Variants in ITGA9 observed in about 807,000 individuals in gnomAD.
The protein encoded by ITGA9 is integrin alpha-9.
Under a neutral mutation model 127.8 loss-of-function variants are expected in ITGA9, and 56 were observed. The observed-to-expected ratio is 0.44, with a 90% CI of 0.35 to 0.55. The LOEUF is 0.55. Ranked by LOEUF, ITGA9 falls within the 20% of genes least tolerant of loss-of-function variation. ITGA9 has a pLI of 0.00. For missense variants in ITGA9, 1,196 were observed against 1,347.1 expected (o/e 0.89, Z 1.76); for synonymous variants, 508 against 514.5 (o/e 0.99, Z 0.17).
At chr3:37,556,994 G>A (rs1559535894) in intron 15 of ITGA9, among the ~76,000 whole-genome samples, 1 of 152,168 alleles carries the variant, frequency 6.6e-6, no homozygotes, top group Non-Finnish European at 1.5e-5. Flanking sequence ...TCTGCCTATT[G>A]CTTGAAGGAC....
chr3:37,690,156 A>G (rs1253211116), intron 18 of ITGA9, among the ~76,000 whole-genome samples: 2 of 152,318 alleles, frequency 1.3e-5, no homozygotes, highest in African/African-American at 4.8e-5. Flanking sequence ...CCTACATTGC[A>G]GAGCTAGGGT....
chr3:37,473,136 CAAAAAAAA>C (rs36109791), intron 2 of ITGA9, among the ~76,000 whole-genome samples: 3,404 of 71,122 alleles, frequency 0.048, 56 homozygotes, highest in Non-Finnish European at 0.062. Context: ...GAGACTGTCT[CAAAAAAAA>C]AAAAAAAAAA....
At chr3:37,632,338 T>C (rs1182611903) in intron 16 of ITGA9, among the ~76,000 whole-genome samples, 2 of 152,092 alleles carry the variant, frequency 1.3e-5, no homozygotes, top group Non-Finnish European at 2.9e-5. Context: ...TTCTTAAAAA[T>C]TAAAAATATA....
At chr3:37,485,060 G>T (rs902340153) in intron 4 of ITGA9, among the ~76,000 whole-genome samples, 1 of 152,130 alleles carries the variant, frequency 6.6e-6, no homozygotes, top group Admixed American at 6.5e-5. Flanking sequence ...CAGCTACCAA[G>T]AAGCTCCCCA....
chr3:37,474,548 C>T (rs1319066511), intron 3 of ITGA9, among the ~76,000 whole-genome samples: 1 of 150,770 alleles, frequency 6.6e-6, no homozygotes, highest in Non-Finnish European at 1.5e-5. Context: ...GATGGGTTTT[C>T]ACGCATGTAC....
At chr3:37,521,796 G>A (rs1476615926) in intron 11 of ITGA9, among the ~76,000 whole-genome samples, 1 of 152,238 alleles carries the variant, frequency 6.6e-6, no homozygotes, top group Non-Finnish European at 1.5e-5. Context: ...TGGCTTTTAA[G>A]AAATGTGCAG....
In ITGA9 at chr3:37,493,376, G is replaced by C. The variant is rs142107062; in HGVS notation, c.545-1125G>C. Among the ~76,000 whole-genome samples, 126 of 152,348 alleles carry C rather than the reference G, an allele frequency of 8.3e-4. 1 individual carries two copies. In the East Asian group the frequency reaches 0.015, roughly 18 times the overall value. On this transcript the variant is annotated intron_variant, in intron 4 of 27. Coordinates refer to ENST00000264741, the MANE Select transcript of ITGA9 (RefSeq NM_002207.3). Reference sequence around the variant, plus strand: ...TACCAGAGACTTGCCAGGAGCCCAGGGGGTGGTACAGGGTCACTGGGGTAG... The same window carrying C: ...TACCAGAGACTTGCCAGGAGCCCAGCGGGTGGTACAGGGTCACTGGGGTAG...
At chr3:37,585,513 T>C (rs1412288933) in intron 15 of ITGA9, 2 of 455,060 alleles carry the variant, frequency 4.4e-6, no homozygotes, top group Admixed American at 2.2e-5. Flanking sequence ...CTTTGGGATT[T>C]CTTAGCATGC....
intron 23 of ITGA9, among the ~76,000 whole-genome samples, chr3:37,767,920 T>C (rs2125545768): frequency 6.6e-6 from 1 of 152,292 alleles, no homozygotes; most frequent in South Asian, 2.1e-4. Flanking sequence ...GCCATGTTCA[T>C]ATTAAGGAGC....
intron 24 of ITGA9, among the ~76,000 whole-genome samples, chr3:37,778,858 A>G (rs962923360): frequency 7.1e-6 from 1 of 140,276 alleles, no homozygotes; most frequent in Non-Finnish European, 1.5e-5. Flanking sequence ...ACTGTTTGCC[A>G]CTTGAAAGGT....
At chr3:37,748,258 A>G (rs1696531442) in intron 22 of ITGA9, 1 of 498,374 alleles carries the variant, frequency 2.0e-6, no homozygotes, top group Non-Finnish European at 3.8e-6. Flanking sequence ...TACTGTTCAA[A>G]AAGGAAGGCC....
At chr3:37,707,565 C>A (rs1051270635) in intron 18 of ITGA9, among the ~76,000 whole-genome samples, 1 of 152,024 alleles carries the variant, frequency 6.6e-6, no homozygotes, top group Non-Finnish European at 1.5e-5. Context: ...TTCCTCAGCC[C>A]CCAGGGGACA....
At chr3:37,664,508 C>T (rs534578948) in intron 17 of ITGA9, among the ~76,000 whole-genome samples, 1 of 150,862 alleles carries the variant, frequency 6.6e-6, no homozygotes, top group Non-Finnish European at 1.5e-5. Flanking sequence ...ATAACCTCCA[C>T]CTCCCGGGCT....
intron 17 of ITGA9, among the ~76,000 whole-genome samples, chr3:37,678,231 T>A (rs1010224053): frequency 1.2e-4 from 19 of 152,210 alleles, no homozygotes; most frequent in African/African-American, 4.3e-4. Context: ...TATGTTTAAT[T>A]ATTTTGAGAA....
intron 8 of ITGA9, among the ~76,000 whole-genome samples, chr3:37,511,761 A>G (rs1404029173): frequency 6.6e-6 from 1 of 152,038 alleles, no homozygotes; most frequent in Non-Finnish European, 1.5e-5. Flanking sequence ...CTGGGGAAGG[A>G]TTTCTGAGCG....
chr3:37,457,405 A>G (rs1358095968), intron 1 of ITGA9, among the ~76,000 whole-genome samples: 1 of 152,126 alleles, frequency 6.6e-6, no homozygotes, highest in Non-Finnish European at 1.5e-5. Context: ...GTGAAGGGAA[A>G]ACATTTAGAA....
intron 16 of ITGA9, among the ~76,000 whole-genome samples, chr3:37,631,003 A>C (rs1700225610): frequency 6.6e-6 from 1 of 152,090 alleles, no homozygotes; most frequent in African/African-American, 2.4e-5. Context: ...TCCCCTCCTG[A>C]CAGGGAAGTG....
chr3:37,567,683 G>A (rs1005987829), intron 15 of ITGA9, among the ~76,000 whole-genome samples: 1 of 152,052 alleles, frequency 6.6e-6, no homozygotes, highest in Non-Finnish European at 1.5e-5. Context: ...AAAACTAAAG[G>A]CTAAATGCCC....
In ITGA9 at chr3:37,629,337, G is replaced by A. The variant is rs1360620187; in HGVS notation, c.1839+1G>A. 2 of 1,614,000 alleles carry A rather than the reference G, an allele frequency of 1.2e-6. No homozygotes were observed. The highest frequency in any genetic ancestry group is 1.7e-6 in the Non-Finnish European group (2 of 1,179,976). On this transcript the variant is annotated splice_donor_variant, in intron 16 of 27. Coordinates refer to ENST00000264741, the MANE Select transcript of ITGA9 (RefSeq NM_002207.3). LOFTEE classifies it high-confidence loss of function. This position sits in a 1 kb window ranked among gnomAD's most constrained non-coding sequence, Gnocchi z 4.5. ...ACAAAAGATTGCCCAAAAGAATCAG[G>A]TCAGAACCTTAAAGCTCATACTCAG... is the stretch of plus-strand genomic sequence containing the variant.
Sources: gnomAD v4.1 joint callset for allele counts (sites outside exome capture counted in the v4.1 genomes callset) on GRCh38, gnomAD v4.1.1 for gene constraint, Gnocchi (gnomAD v3.1) non-coding constraint, MANE v1.5 for transcripts, NCBI Gene and HGNC (gene_info 2026-07-23, HGNC 2026-07-21) for gene names.